The following CFHR2 variants were observed in gnomAD, a reference collection of about 807,000 sequenced individuals.
The protein encoded by CFHR2 is complement factor H related 2, also known as complement factor H-related protein 2.
CFHR2 carries 22 observed loss-of-function variants against 21.7 expected under a neutral mutation model. The ratio of observed to expected loss-of-function variants is 1.01; its 90% CI spans 0.72 to 1.45. CFHR2 has a LOEUF of 1.45. Among genes scored for constraint, CFHR2 ranks in the 40% most tolerant of loss-of-function variants. The pLI is 0.00. For missense variants in CFHR2, 294 were observed against 293.3 expected (o/e 1.00, Z -0.02); for synonymous variants, 98 against 97.4 (o/e 1.01, Z -0.04).
Position 196,958,960 on chromosome 1 carries a change from A to G in CFHR2, c.693A>G (p.Ser231=). 6.2e-7 allele frequency: 1 copy of G among 1,608,834 alleles called. No homozygotes were observed. The highest frequency in any genetic ancestry group is 8.5e-7 in the Non-Finnish European group (1 of 1,175,772). Residue 231 remains serine (S), a synonymous_variant, in exon 5 of 5, where the codon TCA becomes TCG. Transcript: ENST00000367415. The part of the protein sequence containing the change: ...LKWTNQQKLY[S]RTGDIVEFVC... Reference sequence around the variant, plus strand: ...GGACAAACCAACAAAAGCTTTATTCAAGAACAGGTGACATAGTTGAATTTG... The same window carrying G: ...GGACAAACCAACAAAAGCTTTATTCGAGAACAGGTGACATAGTTGAATTTG...
chr1:196,952,163 C>G (rs1377956342), intron 3 of CFHR2, among the ~76,000 whole-genome samples: 2 of 152,036 alleles, frequency 1.3e-5, no homozygotes, highest in African/African-American at 4.8e-5. Flanking sequence ...CTAGTCTCAG[C>G]CACTGGTAAG....
chr1:196,949,652 G>A lies in CFHR2; in HGVS notation c.253+3G>A. 6.2e-7 allele frequency: 1 copy of A among 1,613,708 alleles called. No homozygotes were observed. Among genetic ancestry groups the A allele is most frequent in the East Asian group, 2.2e-5 (1 of 44,850 alleles). Reference sequence around the variant, plus strand: ...GTCACCAACACCAAAGTGTCTCAGTGAGTAAATGCCCTGTTCATTAAATGG... The same window carrying A: ...GTCACCAACACCAAAGTGTCTCAGTAAGTAAATGCCCTGTTCATTAAATGG... On this transcript the variant is annotated splice_donor_region_variant and intron_variant, in intron 2 of 4. Transcript: ENST00000367415.
At chr1:196,951,179 G>T in intron 3 of CFHR2, 151 bp downstream of exon 3, 2 of 976,822 alleles carry the variant, frequency 2.0e-6, no homozygotes, top group Non-Finnish European at 3.0e-6. Context: ...TTGTGTCTAA[G>T]TGGATGTGCA....
At chr1:196,945,777 A>AGTGT (rs201838824) in intron 1 of CFHR2, among the ~76,000 whole-genome samples, 5,624 of 142,878 alleles carry the variant, frequency 0.039, 366 homozygotes, top group African/African-American at 0.13. Flanking sequence ...ACTGTGAGTG[A>AGTGT]GTGTGTGTGT....
intron 4 of CFHR2, 125 bp downstream of exon 4, chr1:196,958,198 A>C: frequency 5.7e-6 from 5 of 869,980 alleles, no homozygotes; most frequent in South Asian, 2.1e-5. Context: ...TGCCTACCAA[A>C]TGTCTATATG....
Position 196,959,085 on chromosome 1 carries a change from A to G in CFHR2, c.*5A>G. On this transcript the variant is annotated 3_prime_UTR_variant, in exon 5 of 5. Coordinates refer to ENST00000367415, the MANE Select transcript of CFHR2 (RefSeq NM_005666.4). ...CCCAGTTGTGAAGAAAAATAGAATCAATGGCATTACTATTAGTAAAATGCA... is the reference window on the plus strand; with the variant it reads ...CCCAGTTGTGAAGAAAAATAGAATCGATGGCATTACTATTAGTAAAATGCA... 2 of 1,575,884 alleles carry G rather than the reference A, an allele frequency of 1.3e-6. No individual in the cohort carries two copies. Among genetic ancestry groups the G allele is most frequent in the Non-Finnish European group, 1.7e-6 (2 of 1,152,612 alleles).
chr1:196,953,398 T>A (rs1173783259), intron 3 of CFHR2, among the ~76,000 whole-genome samples: 3 of 152,156 alleles, frequency 2.0e-5, no homozygotes, highest in Non-Finnish European at 4.4e-5. Context: ...TTCTTGTGCC[T>A]CAGCCTCCTG....
At chr1:196,958,746 T>C (rs1652998785) in intron 4 of CFHR2, 135 bp from the exon 5 acceptor site, 1 of 603,334 alleles carries the variant, frequency 1.7e-6, no homozygotes, top group Non-Finnish European at 2.9e-6. Flanking sequence ...CTATATTTTG[T>C]TTTTACAGCA....
rs781646008 is a variant in CFHR2 at position 196,950,953 on chromosome 1, A to G, written c.355A>G (p.Arg119Gly). The change falls in exon 3 of 5, where the codon AGA becomes GGA. Residue 119 changes from arginine to glycine, a missense_variant. Physicochemically the swap from Arg to Gly is moderately radical, Grantham distance 125. Coordinates refer to ENST00000367415, the MANE Select transcript of CFHR2 (RefSeq NM_005666.4). ...ACAAATTATTTGCAACACAGGATACAGACTTCAAAACAATGAGAACAACAT... is the reference window on the plus strand; with the variant it reads ...ACAAATTATTTGCAACACAGGATACGGACTTCAAAACAATGAGAACAACAT... ...TVQIICNTGYRLQNNENNISC... is the reference protein window; with the variant it reads ...TVQIICNTGYGLQNNENNISC... The G allele has an allele frequency of 4.3e-6, 7 of 1,614,170 alleles. No homozygotes were observed. Among genetic ancestry groups the G allele is most frequent in the Non-Finnish European group, 5.9e-6 (7 of 1,180,018 alleles).
chr1:196,947,369 C>T (rs1249001646), intron 1 of CFHR2, among the ~76,000 whole-genome samples: 3 of 151,978 alleles, frequency 2.0e-5, no homozygotes, highest in Admixed American at 6.6e-5. Flanking sequence ...TGATGAAAAC[C>T]AAGTTATTCT....
chr1:196,952,783 T>G (rs1426166972), intron 3 of CFHR2, among the ~76,000 whole-genome samples: 1 of 152,224 alleles, frequency 6.6e-6, no homozygotes, highest in Admixed American at 6.5e-5. Flanking sequence ...GTAATGACAT[T>G]TAGAAACTAA....
chr1:196,950,006 T>A (rs1399110674), intron 2 of CFHR2, among the ~76,000 whole-genome samples: 3 of 152,242 alleles, frequency 2.0e-5, no homozygotes, highest in Non-Finnish European at 1.5e-5. Context: ...GAATTTAACA[T>A]TCTTTTGCAT....
chr1:196,949,813 A>G (rs190706389), intron 2 of CFHR2, among the ~76,000 whole-genome samples, 164 bp downstream of exon 2: 9 of 152,346 alleles, frequency 5.9e-5, no homozygotes, highest in African/African-American at 1.9e-4. Flanking sequence ...ATGAGAATCA[A>G]TGAAGAATAA....
intron 1 of CFHR2, 52 bp from the exon 2 acceptor site, chr1:196,949,402 AT>A: frequency 6.6e-7 from 1 of 1,507,978 alleles, no homozygotes; most frequent in Non-Finnish European, 9.1e-7. Flanking sequence ...TAGTCTAGTG[AT>A]TTATTTATGT....
At chr1:196,948,175 C>T (rs1460675097) in intron 1 of CFHR2, among the ~76,000 whole-genome samples, 1 of 152,080 alleles carries the variant, frequency 6.6e-6, no homozygotes, top group East Asian at 1.9e-4. Context: ...TACCCACCCC[C>T]AGTAGATACC....
In CFHR2 at chr1:196,949,526, C is replaced by G. The variant is rs2125006399; in HGVS notation, c.130C>G (p.Gln44Glu). Reference protein sequence around the residue: ...YDEEKYKPFSQVPTGEVFYYS... With the variant: ...YDEEKYKPFSEVPTGEVFYYS... ...TGAAGAAAAATATAAGCCATTTTCC[C>G]AAGTTCCTACAGGGGAAGTTTTCTA... Residue 44 changes from glutamine (Q) to glutamate (E), a missense_variant, in exon 2 of 5, where the codon CAA becomes GAA. Coordinates refer to ENST00000367415, the MANE Select transcript of CFHR2 (RefSeq NM_005666.4). 6.2e-7 allele frequency: 1 copy of G among 1,613,958 alleles called. No individual in the cohort carries two copies. The highest frequency in any genetic ancestry group is 1.1e-5 in the South Asian group (1 of 91,076).
rs573375535 is a variant in CFHR2, at chr1:196,949,528, A to G, written c.132A>G (p.Gln44=). 2.5e-6 allele frequency: 4 copies of G among 1,613,994 alleles called. No individual in the cohort carries two copies. In the African/African-American group the frequency reaches 4.0e-5, roughly 16 times the overall value. ...YDEEKYKPFS[Q]VPTGEVFYYS... ...AAGAAAAATATAAGCCATTTTCCCAAGTTCCTACAGGGGAAGTTTTCTATT... is the reference window on the plus strand; with the variant it reads ...AAGAAAAATATAAGCCATTTTCCCAGGTTCCTACAGGGGAAGTTTTCTATT... The change falls in exon 2 of 5, where the codon CAA becomes CAG. Residue 44 remains glutamine, a synonymous_variant. Coordinates refer to ENST00000367415, the MANE Select transcript of CFHR2 (RefSeq NM_005666.4).
At chr1:196,953,815 A>G (rs924693736) in intron 3 of CFHR2, among the ~76,000 whole-genome samples, 1 of 152,180 alleles carries the variant, frequency 6.6e-6, no homozygotes, top group Non-Finnish European at 1.5e-5. Context: ...TATTTATGAG[A>G]TTATTAGAAA....
rs1328231210 is a variant in CFHR2 at position 196,957,972 on chromosome 1, G to T, written c.512G>T (p.Gly171Val). The change falls in exon 4 of 5, where the codon GGT becomes GTT. Residue 171 changes from glycine (G) to valine (V), a missense_variant. By Grantham distance (109) the Gly-to-Val change is moderately radical. Coordinates refer to ENST00000367415, the MANE Select transcript of CFHR2 (RefSeq NM_005666.4). ...TTCCTGTTGTCAGTATATGCTCCAG[G>T]TTCATCAGTTGAGTACCAGTGCCAG... ...TSFLLSVYAPGSSVEYQCQNL... is the reference protein window; with the variant it reads ...TSFLLSVYAPVSSVEYQCQNL... 1.9e-6 allele frequency: 3 copies of T among 1,613,556 alleles called. No homozygotes were observed. The highest frequency in any genetic ancestry group is 1.1e-5 in the South Asian group (1 of 91,066).
Sources: allele counts gnomAD v4.1 joint callset (sites outside exome capture counted in the v4.1 genomes callset), GRCh38; gene constraint gnomAD v4.1.1; transcripts MANE v1.5; gene names NCBI Gene and HGNC (gene_info 2026-07-23, HGNC 2026-07-21).